ZNF674: variants seen among roughly 807,000 people sequenced by gnomAD.
ZNF674 encodes zinc finger family member 674.
In ZNF674, 2 loss-of-function variants were observed where a neutral mutation model predicts 7.0. The observed-to-expected ratio is 0.29, with a 90% confidence interval of 0.12 to 0.90. The LOEUF is 0.90. Among genes scored for constraint, ZNF674 ranks in the 40% least tolerant of loss-of-function variants. ZNF674 has a pLI of 0.57. For synonymous variants in ZNF674, 103 were observed against 145.2 expected, an observed-to-expected ratio of 0.71 and a Z score of 2.09; for missense variants, 297 against 415.5, an observed-to-expected ratio of 0.71 and a Z score of 2.48.
chrX:46,540,136 C>T (rs1046901998), intron 3 of ZNF674, among the ~76,000 whole-genome samples: 6 of 110,223 alleles, frequency 5.4e-5, no homozygotes, highest in Non-Finnish European at 7.6e-5. Context: ...CCCAGCTACT[C>T]GGGAGGCTGA....
In ZNF674 at chrX:46,499,849, G is replaced by A. The variant is rs1941378877; in HGVS notation, c.1725C>T (p.Asn575=). The change falls in exon 6 of 6, where the codon AAC becomes AAT. Residue 575 remains asparagine (N), a synonymous_variant. Transcript: ENST00000683375. The stretch of plus-strand genomic sequence containing the variant: ...ATCCCACTCTCAAGTATAATCATAG[G>A]TTTTTATCTCCTGTGTGACTTCTCT... ...KHQRSHTGDK[N]L 3.5e-6 allele frequency: 4 copies of A among 1,127,695 alleles called. No homozygotes were observed. Among genetic ancestry groups the A allele is most frequent in the African/African-American group, 1.8e-5 (1 of 54,442 alleles). 92.9% of individuals were successfully genotyped at this position (1,127,695 alleles called of 1,213,427 possible). A position where few individuals can be genotyped will look rare whatever the true frequency, so the allele number is the denominator to read the frequency against.
intron 2 of ZNF674, among the ~76,000 whole-genome samples, chrX:46,544,172 C>T (rs1228829892): frequency 8.8e-6 from 1 of 113,038 alleles, no homozygotes; most frequent in East Asian, 2.8e-4. Context: ...TGACTTTCAC[C>T]TGTCCCTCCT....
chrX:46,537,610 AT>A (rs1942223216), intron 3 of ZNF674, among the ~76,000 whole-genome samples: 1 of 111,378 alleles, frequency 9.0e-6, no homozygotes, highest in African/African-American at 3.3e-5. Context: ...TTTCTACCAC[AT>A]TTTTTTGTTT....
At chrX:46,532,383 T>C (rs969940946) in intron 3 of ZNF674, among the ~76,000 whole-genome samples, 1 of 111,688 alleles carries the variant, frequency 9.0e-6, no homozygotes, top group African/African-American at 3.3e-5. Context: ...ACTAATCATA[T>C]AGCAAAGAGA....
At chrX:46,513,250 G>A (rs772275518) in intron 5 of ZNF674, among the ~76,000 whole-genome samples, 7 of 109,572 alleles carry the variant, frequency 6.4e-5, no homozygotes, top group Non-Finnish European at 1.3e-4. Context: ...CAACGAGTGA[G>A]ACTACGTCTC....
chrX:46,504,269 C>G (rs752152313), intron 5 of ZNF674, among the ~76,000 whole-genome samples: 6 of 111,590 alleles, frequency 5.4e-5, no homozygotes, highest in Non-Finnish European at 1.1e-4. Flanking sequence ...AATAAATGAT[C>G]TAAATCTAAA....
intron 5 of ZNF674, among the ~76,000 whole-genome samples, chrX:46,525,609 CCTT>C (rs1941997465): frequency 9.4e-6 from 1 of 106,679 alleles, no homozygotes; most frequent in Non-Finnish European, 1.9e-5. Context: ...AAGCGAAACT[CCTT>C]CTCAAAAAAA....
At chrX:46,533,827 A>ATAT (rs1266598721) in intron 3 of ZNF674, among the ~76,000 whole-genome samples, 7 of 70,782 alleles carry the variant, frequency 9.9e-5, no homozygotes, top group African/African-American at 5.4e-4. Context: ...AAAAAAAAAA[A>ATAT]AAATATATAT....
At chrX:46,519,618 A>T (rs183340006) in intron 5 of ZNF674, among the ~76,000 whole-genome samples, 282 of 110,899 alleles carry the variant, frequency 2.5e-3, no homozygotes, top group Middle Eastern at 9.3e-3. Context: ...AAAAAAAAAA[A>T]AAATAAATAA....
At position 46,498,041 on chromosome X, in the gene ZNF674, A is replaced by G. The variant is rs1485942594; in HGVS notation, c.*1802T>C. On this transcript the variant is annotated 3_prime_UTR_variant, in exon 6 of 6. Coordinates refer to ENST00000683375, the MANE Select transcript of ZNF674 (RefSeq NM_001190417.2). ...TCAACCACCCAGAATCACTGATATA[A>G]TGGTTCATATACTTCCTGTTTGTAC... 9.0e-6 allele frequency: 1 copy of G among 111,184 alleles called. No individual in the cohort carries two copies. Among genetic ancestry groups the G allele is most frequent in the African/African-American group, 3.3e-5 (1 of 30,619 alleles). 9.2% of individuals were successfully genotyped at this position (111,184 alleles called of 1,213,427 possible).
intron 5 of ZNF674, among the ~76,000 whole-genome samples, chrX:46,506,869 A>G (rs1407025648): frequency 9.0e-6 from 1 of 111,704 alleles, no homozygotes; most frequent in Non-Finnish European, 1.9e-5. Context: ...GTGACACTGA[A>G]GAGCAATGTC....
chrX:46,501,401 C>A (rs750118097), intron 5 of ZNF674, 66 bp from the exon 6 acceptor site: 1 of 1,076,314 alleles, frequency 9.3e-7, no homozygotes, highest in African/African-American at 1.8e-5. Context: ...TAACTAATCC[C>A]TAAATGCCCA....
intron 5 of ZNF674, among the ~76,000 whole-genome samples, chrX:46,511,581 C>T (rs73630226): frequency 0.024 from 2,744 of 112,394 alleles, 79 homozygotes; most frequent in African/African-American, 0.083. Context: ...ACTCCCAACT[C>T]ATTTCTAAAC....
intron 4 of ZNF674, 67 bp from the exon 5 acceptor site, chrX:46,528,512 C>T (rs1942050305): frequency 3.0e-5 from 33 of 1,117,536 alleles, no homozygotes; most frequent in Non-Finnish European, 4.1e-5. Context: ...TAGGCCCACC[C>T]CTGCAGGCTG....
intron 5 of ZNF674, among the ~76,000 whole-genome samples, chrX:46,504,669 A>G (rs998908350): frequency 1.8e-5 from 2 of 109,936 alleles, no homozygotes; most frequent in African/African-American, 3.3e-5. Flanking sequence ...GAGTGTAACA[A>G]TCTGGTAATT....
intron 5 of ZNF674, among the ~76,000 whole-genome samples, chrX:46,527,313 A>G (rs1460629887): frequency 1.8e-5 from 2 of 111,794 alleles, no homozygotes; most frequent in Non-Finnish European, 3.8e-5. Context: ...TAGCAAAGAA[A>G]AATGGCAAAA....
intron 5 of ZNF674, among the ~76,000 whole-genome samples, chrX:46,502,816 C>T (rs937025802): frequency 3.6e-5 from 4 of 112,341 alleles, no homozygotes; most frequent in Non-Finnish European, 5.6e-5. Flanking sequence ...CAGATTCTGC[C>T]TGTGCCTTTT....
intron 5 of ZNF674, among the ~76,000 whole-genome samples, chrX:46,519,937 C>T (rs1310171317): frequency 8.9e-6 from 1 of 112,098 alleles, no homozygotes; most frequent in Admixed American, 9.6e-5. Flanking sequence ...ACAACCTGAA[C>T]GAATCTCTGG....
intron 5 of ZNF674, chrX:46,522,954 A>T (rs1941940983): frequency 8.7e-6 from 1 of 115,012 alleles, no homozygotes; most frequent in Admixed American, 9.5e-5. Context: ...TTTGGGATAC[A>T]GGTTACATCC....
Sources: allele counts gnomAD v4.1 joint callset (sites outside exome capture counted in the v4.1 genomes callset), GRCh38; gene constraint gnomAD v4.1.1; transcripts MANE v1.5; gene names NCBI Gene and HGNC (gene_info 2026-07-23, HGNC 2026-07-21).